TLL2: variants seen among roughly 807,000 people sequenced by gnomAD.
The protein encoded by TLL2 is tolloid like 2, also known as tolloid-like protein 2.
A neutral mutation model predicts 123.0 loss-of-function variants in TLL2; 106 were observed. That is an observed-to-expected ratio of 0.86 (90% CI 0.74 to 1.01). The LOEUF (loss-of-function observed/expected upper bound fraction) is 1.01, where lower values mean the gene tolerates loss of function less well. Ranked by LOEUF, TLL2 falls within the 50% of genes least tolerant of loss-of-function variation. The pLI, the probability that TLL2 is intolerant of heterozygous loss-of-function variation, is 0.00. For synonymous variants in TLL2, 494 were observed against 516.8 expected (o/e 0.96, Z 0.60); for missense variants, 1,332 against 1,336.7 (o/e 1.00, Z 0.06).
At chr10:96,459,687 AAAAAAAAAAAAAAAAAAAATATATAT>A (rs1158419792) in intron 2 of TLL2, among the ~76,000 whole-genome samples, 14 of 52,274 alleles carry the variant, frequency 2.7e-4, no homozygotes. Flanking sequence ...AAAAAAAAAA[AAAAAAAAAAAAAAAAAAAATATATAT>A]ATATATATAT....
rs1846018298 is a variant in TLL2 at position 96,365,715 on chromosome 10, C to G, written c.*2373G>C. On this transcript the variant is annotated 3_prime_UTR_variant, in exon 21 of 21. Transcript: ENST00000357947. ...CAGCCTCTAGTTTCTTTGCAAGAAC[C>G]TGTGTCATGCCTAAGTCCCCACAAG... The G allele has an allele frequency of 6.6e-6, 1 of 152,242 alleles. No individual in the cohort carries two copies. Among genetic ancestry groups the G allele is most frequent in the Non-Finnish European group, 1.5e-5 (1 of 68,042 alleles). 9.4% of individuals were successfully genotyped at this position (152,242 alleles called of 1,614,324 possible).
At chr10:96,450,368 TA>T (rs1281443828) in intron 2 of TLL2, among the ~76,000 whole-genome samples, 1 of 151,942 alleles carries the variant, frequency 6.6e-6, no homozygotes, top group East Asian at 1.9e-4. Flanking sequence ...GGGAAGCCTT[TA>T]AAAAAATACT....
chr10:96,485,818 C>T (rs1847349871), intron 1 of TLL2, among the ~76,000 whole-genome samples: 1 of 152,176 alleles, frequency 6.6e-6, no homozygotes, highest in African/African-American at 2.4e-5. Flanking sequence ...TGCGCTGAGC[C>T]CTTCGGTTTC....
chr10:96,389,409 G>T (rs1312588735), intron 13 of TLL2, among the ~76,000 whole-genome samples: 1 of 152,190 alleles, frequency 6.6e-6, no homozygotes, highest in Non-Finnish European at 1.5e-5. Context: ...AAAAGATAAG[G>T]TTCCCTGGGC....
chr10:96,476,885 C>CAG (rs1471833647), intron 2 of TLL2, among the ~76,000 whole-genome samples: 2 of 124,720 alleles, frequency 1.6e-5, no homozygotes, highest in East Asian at 2.6e-4. Flanking sequence ...CACACACACA[C>CAG]ACACACACAC....
rs755788634 is a variant in TLL2 at position 96,432,807 on chromosome 10, C to A, written c.520G>T (p.Gly174Trp). The A allele has an allele frequency of 6.2e-7, 1 of 1,613,304 alleles. No individual in the cohort carries two copies. Among genetic ancestry groups the A allele is most frequent in the African/African-American group, 1.3e-5 (1 of 74,846 alleles). ...IPYVIGGNFTGSQRAIFKQAM... is the reference protein window; with the variant it reads ...IPYVIGGNFTWSQRAIFKQAM... Reference sequence around the variant, plus strand: ...GCAGACCTTGTCTGTGGCTACTGACCAGTGAAGTTCCCTCCAATGACGTAG... The same window carrying A: ...GCAGACCTTGTCTGTGGCTACTGACAAGTGAAGTTCCCTCCAATGACGTAG... Residue 174 changes from glycine (G) to tryptophan (W), a missense_variant and splice_region_variant, in exon 4 of 21, where the codon GGG (glycine) becomes TGG (tryptophan). By Grantham distance (184) the Gly-to-Trp change is radical (BLOSUM62 -2). Coordinates refer to ENST00000357947, the MANE Select transcript of TLL2 (RefSeq NM_012465.4).
intron 3 of TLL2, among the ~76,000 whole-genome samples, chr10:96,444,110 G>A (rs1846873231): frequency 6.6e-6 from 1 of 152,190 alleles, no homozygotes; most frequent in African/African-American, 2.4e-5. Context: ...ATAAGCCACA[G>A]CTTACTTGTT....
chr10:96,483,443 G>A (rs1164650912), intron 1 of TLL2, among the ~76,000 whole-genome samples: 2 of 152,190 alleles, frequency 1.3e-5, no homozygotes, highest in African/African-American at 4.8e-5. Flanking sequence ...AGTGACTGTT[G>A]TGCCTCCCAG....
At chr10:96,404,850 C>A (rs915359692) in intron 10 of TLL2, among the ~76,000 whole-genome samples, 2 of 152,134 alleles carry the variant, frequency 1.3e-5, no homozygotes, top group Non-Finnish European at 2.9e-5. Flanking sequence ...CAGTAGTCAA[C>A]TACAACTTCA....
intron 19 of TLL2, among the ~76,000 whole-genome samples, 179 bp from the exon 20 acceptor site, chr10:96,370,494 C>T (rs994610873): frequency 2.0e-5 from 3 of 152,232 alleles, no homozygotes; most frequent in African/African-American, 4.8e-5. Flanking sequence ...GTCAGGGCTC[C>T]CTCGGGGGTG....
chr10:96,507,878 A>G (rs1056212106), intron 1 of TLL2, among the ~76,000 whole-genome samples: 1 of 152,228 alleles, frequency 6.6e-6, no homozygotes, highest in Non-Finnish European at 1.5e-5. Context: ...CTGGAGAAAC[A>G]AAAAAGACAA....
At chr10:96,471,128 G>C (rs1847178277) in intron 2 of TLL2, among the ~76,000 whole-genome samples, 1 of 151,956 alleles carries the variant, frequency 6.6e-6, no homozygotes, top group Non-Finnish European at 1.5e-5. Context: ...AGCCCCCTGA[G>C]TAGCTGGGAT....
intron 19 of TLL2, among the ~76,000 whole-genome samples, chr10:96,372,079 C>A (rs75361675): frequency 0.09 from 13,771 of 152,190 alleles, 784 homozygotes; most frequent in South Asian, 0.14. Flanking sequence ...AATGTGCCCC[C>A]ACTTCCTGCC....
chr10:96,513,695 G>A lies in TLL2; in HGVS notation c.-10C>T. ...CAGTCGCCCGGGGCATGGTGGCGCG[G>A]GGCCGGCTGGGGCAGAGGGAGTTGC... On this transcript the variant is annotated 5_prime_UTR_variant, in exon 1 of 21. Transcript: ENST00000357947. 9 of 1,502,746 alleles carry A rather than the reference G, an allele frequency of 6.0e-6. No homozygotes were observed. Among genetic ancestry groups the A allele is most frequent in the African/African-American group, 1.4e-5 (1 of 71,452 alleles). The allele number at this position is 1,502,746 out of a possible 1,614,324, so 93.1% of individuals were successfully genotyped here.
chr10:96,476,216 T>TTATATATATA (rs1466849863), intron 2 of TLL2, among the ~76,000 whole-genome samples: 4 of 33,328 alleles, frequency 1.2e-4, no homozygotes, highest in Non-Finnish European at 1.9e-4. Flanking sequence ...CTTTTTAATT[T>TTATATATATA]TATATGTATA....
chr10:96,428,614 C>A lies in TLL2; in HGVS notation c.638+17G>T. The A allele has an allele frequency of 6.4e-7, 1 of 1,561,930 alleles. No individual in the cohort carries two copies. Among genetic ancestry groups the A allele is most frequent in the South Asian group, 1.1e-5 (1 of 89,276 alleles). On this transcript the variant is annotated intron_variant, in intron 5 of 20. Transcript: ENST00000357947. ...CCGACTGATTCTGCAGAGGTGGCCTCGCTTTCGTTTACTTACCCACAGGTT... is the reference window on the plus strand; with the variant it reads ...CCGACTGATTCTGCAGAGGTGGCCTAGCTTTCGTTTACTTACCCACAGGTT...
chr10:96,499,617 A>G (rs1383850925), intron 1 of TLL2, among the ~76,000 whole-genome samples: 1 of 152,184 alleles, frequency 6.6e-6, no homozygotes, highest in Non-Finnish European at 1.5e-5. Flanking sequence ...AAAGTCAATG[A>G]TATGGTGCAG....
chr10:96,397,815 A>C (rs763557079), intron 10 of TLL2, among the ~76,000 whole-genome samples: 1 of 152,194 alleles, frequency 6.6e-6, no homozygotes, highest in Non-Finnish European at 1.5e-5. Flanking sequence ...GGAAGGATGC[A>C]CCATATTTTC....
chr10:96,495,561 G>A (rs1033923592), intron 1 of TLL2, among the ~76,000 whole-genome samples: 5 of 152,110 alleles, frequency 3.3e-5, no homozygotes, highest in African/African-American at 4.8e-5. Flanking sequence ...ATGGGATGGT[G>A]TTAATGGGGT....
Sources: allele counts gnomAD v4.1 joint callset (sites outside exome capture counted in the v4.1 genomes callset), GRCh38; gene constraint gnomAD v4.1.1; transcripts MANE v1.5; gene names NCBI Gene and HGNC (gene_info 2026-07-23, HGNC 2026-07-21).